Variants in PLG observed in about 807,000 individuals in gnomAD.
PLG encodes the protein plasminogen, also known as plasmin.
In PLG, 41 loss-of-function variants were observed where a neutral mutation model predicts 104.4. The ratio of observed to expected loss-of-function variants is 0.39; its 90% CI spans 0.31 to 0.51. PLG has a LOEUF of 0.51. PLG is among the 20% of genes least tolerant of loss of function. The probability of loss-of-function intolerance (pLI) is 0.76; values close to 1 mark genes in which losing one functional copy is unlikely to be tolerated. For missense variants in PLG, 891 were observed against 1,003.6 expected (o/e 0.89, Z 1.52); for synonymous variants, 337 against 357.1 (o/e 0.94, Z 0.63).
At position 160,752,530 on chromosome 6, in the gene PLG, G is replaced by A. The variant is rs1778420331; in HGVS notation, c.2271+270G>A. Among the ~76,000 whole-genome samples the A allele has an allele frequency of 6.6e-6, 1 of 152,128 alleles. No homozygotes were observed. The highest frequency in any genetic ancestry group is 1.5e-5 in the Non-Finnish European group (1 of 68,034). Reference sequence around the variant, plus strand: ...ACTCACCCTCCTGGGGTGTGCTGGTGGCCAGGGACTAAAGTGGTGACTTTT... The same window carrying A: ...ACTCACCCTCCTGGGGTGTGCTGGTAGCCAGGGACTAAAGTGGTGACTTTT... On this transcript the variant is annotated intron_variant, in intron 18 of 18. Transcript: ENST00000308192. The surrounding 1 kb of genome is among the most constrained non-coding windows in gnomAD (Gnocchi z 4.7).
rs1188620849 is a variant in PLG, at chr6:160,736,757, AG to A, written c.1682-129del. The A allele has an allele frequency of 8.4e-6, 10 of 1,186,162 alleles. No individual in the cohort carries two copies. The African/African-American group carries it at 1.5e-4, about 18-fold the overall frequency. 73.5% of individuals were successfully genotyped at this position (1,186,162 alleles called of 1,614,324 possible). The stretch of plus-strand genomic sequence containing the variant: ...TGAAACTTAGAGAAAATGTTCCAAA[AG>A]ATGATGATTTTACTATTTAGTTCGG... On this transcript the variant is annotated intron_variant, in intron 13 of 18. Coordinates refer to ENST00000308192, the MANE Select transcript of PLG (RefSeq NM_000301.5). The surrounding 1 kb of genome is among the most constrained non-coding windows in gnomAD (Gnocchi z 5.2).
In PLG at chr6:160,733,525, A is replaced by AAATAAT. The variant is rs951501150; in HGVS notation, c.1588-456_1588-451dup. Among the ~76,000 whole-genome samples the AAATAAT allele has an allele frequency of 5.0e-5, 7 of 139,138 alleles. No homozygotes were observed. In the South Asian group the frequency reaches 1.5e-3, roughly 30 times the overall value. The allele number at this position is 139,138 out of a possible 152,430, so 91.3% of individuals were successfully genotyped here. Reference sequence around the variant, plus strand: ...GAGCATTCAAAAAATAACTTTGCCAAAATAATAATAATAATAATAGAAAGG... The same window carrying AAATAAT: ...GAGCATTCAAAAAATAACTTTGCCAAAATAATAATAATAATAATAATAATAGAAAGG... On this transcript the variant is annotated intron_variant, in intron 12 of 18. Coordinates refer to ENST00000308192, the MANE Select transcript of PLG (RefSeq NM_000301.5).
intron 17 of PLG, among the ~76,000 whole-genome samples, chr6:160,747,444 G>A (rs1778295358): frequency 6.6e-6 from 1 of 152,122 alleles, no homozygotes; most frequent in Non-Finnish European, 1.5e-5. Flanking sequence ...GTGCTAGGAG[G>A]GCATTAGGAG....
chr6:160,707,643 A>G, intron 2 of PLG, 57 bp from the exon 3 acceptor site: 1 of 1,475,856 alleles, frequency 6.8e-7, no homozygotes, highest in East Asian at 2.3e-5. Context: ...ATTAATAAAC[A>G]TTTGTTTTCT....
intron 3 of PLG, 153 bp downstream of exon 3, chr6:160,707,959 A>C: frequency 1.4e-6 from 1 of 695,372 alleles, no homozygotes; most frequent in Admixed American, 2.3e-5. Context: ...TTTGATTACT[A>C]ACTAACCATG....
rs531292467 is a variant in PLG at position 160,738,324 on chromosome 6, A to G, written c.1803-214A>G. On this transcript the variant is annotated intron_variant, in intron 14 of 18. Coordinates refer to ENST00000308192, the MANE Select transcript of PLG (RefSeq NM_000301.5). This position sits in a 1 kb window ranked among gnomAD's most constrained non-coding sequence, Gnocchi z 6.8. ...GGCCATGCCTGTGCCTCCCCCAAGC[A>G]TCGGAAAAATTGGCATAGATGGGCC... The G allele has an allele frequency of 1.2e-4, 66 of 569,798 alleles. No homozygotes were observed. The highest frequency in any genetic ancestry group is 9.5e-4 in the African/African-American group (51 of 53,830). The allele number at this position is 569,798 out of a possible 1,614,324, so 35.3% of individuals were successfully genotyped here. A position where few individuals can be genotyped will look rare whatever the true frequency, so the allele number is the denominator to read the frequency against.
rs914322143 is a variant in PLG at position 160,737,784 on chromosome 6, T to G, written c.1803-754T>G. On this transcript the variant is annotated intron_variant, in intron 14 of 18. Coordinates refer to ENST00000308192, the MANE Select transcript of PLG (RefSeq NM_000301.5). The surrounding 1 kb of genome is among the most constrained non-coding windows in gnomAD (Gnocchi z 4.7). ...ATGCCATCGACAAACCTGATCGCAT[T>G]GCATTTCACTCTGCTGTTGAGTCGA... 2.6e-5 allele frequency among the ~76,000 whole-genome samples: 4 copies of G among 152,214 alleles called. No homozygotes were observed. The highest frequency in any genetic ancestry group is 2.6e-4 in the Admixed American group (4 of 15,290).
chr6:160,702,611 G>C (rs1353861667), intron 1 of PLG, among the ~76,000 whole-genome samples: 2 of 152,146 alleles, frequency 1.3e-5, no homozygotes, highest in Non-Finnish European at 2.9e-5. Context: ...CCACATAATG[G>C]CCAGTCTAAT....
rs1777996429 is a variant in PLG at position 160,731,333 on chromosome 6, C to CAAGTGTTTTTAGAGGGTCTGCCA, written c.1438+102_1438+124dup. The CAAGTGTTTTTAGAGGGTCTGCCA allele has an allele frequency of 4.5e-6, 5 of 1,099,914 alleles. No homozygotes were observed. The highest frequency in any genetic ancestry group is 6.9e-6 in the Non-Finnish European group (5 of 726,560). 68.1% of individuals were successfully genotyped at this position (1,099,914 alleles called of 1,614,324 possible). On this transcript the variant is annotated intron_variant, in intron 11 of 18. Transcript: ENST00000308192. The surrounding 1 kb of genome is among the most constrained non-coding windows in gnomAD (Gnocchi z 5.1). The stretch of plus-strand genomic sequence containing the variant: ...AAACCTTCCATGCTACACGAGAAAT[C>CAAGTGTTTTTAGAGGGTCTGCCA]AAGTGTTTTTAGAGGGTCTGCCATG...
At position 160,711,187 on chromosome 6, in the gene PLG, C is replaced by T. The variant is rs199833895; in HGVS notation, c.403C>T (p.Pro135Ser). Reference protein sequence around the residue: ...QKWSSTSPHRPRFSPATHPSE... With the variant: ...QKWSSTSPHRSRFSPATHPSE... ...ATGGAGTTCCACTTCTCCCCACAGA[C>T]CTAGGTAAGACATTCCCTTTCATCT... The change falls in exon 4 of 19, where the codon CCT (proline) becomes TCT (serine). Residue 135 changes from proline (P) to serine (S), a missense_variant. Physicochemically the swap from Pro to Ser is moderately conservative, Grantham distance 74. Coordinates refer to ENST00000308192, the MANE Select transcript of PLG (RefSeq NM_000301.5). The T allele has an allele frequency of 1.5e-5, 25 of 1,613,220 alleles. No individual in the cohort carries two copies. In the African/African-American group the frequency reaches 1.7e-4, roughly 11 times the overall value.
Position 160,739,177 on chromosome 6 carries a change from CGA to C in PLG, c.1988_1989del (p.Arg663GlnfsTer16), listed in dbSNP as rs1434519614. The C allele has an allele frequency of 6.2e-7, 1 of 1,614,006 alleles. No individual in the cohort carries two copies. Among genetic ancestry groups the C allele is most frequent in the Non-Finnish European group, 8.5e-7 (1 of 1,180,028 alleles). ...EVSRLFLEPT[R>X]KDIALLKLSS... is the part of the protein sequence containing the mutation. ...GTCTAGGCTGTTCTTGGAGCCCACA[CGA>C]AAAGATATTGCCTTGCTAAAGCTAA... is the stretch of plus-strand genomic sequence containing the variant. On this transcript the variant is annotated frameshift_variant, in exon 16 of 19. Transcript: ENST00000308192. LOFTEE classifies it high-confidence loss of function. This position sits in a 1 kb window ranked among gnomAD's most constrained non-coding sequence, Gnocchi z 4.4.
At chr6:160,733,454 G>C (rs1218108358) in intron 12 of PLG, among the ~76,000 whole-genome samples, 1 of 152,046 alleles carries the variant, frequency 6.6e-6, no homozygotes, top group African/African-American at 2.4e-5. Context: ...CCAGGGGTGT[G>C]GCCTCATAGC....
chr6:160,745,013 A>G (rs897035508), intron 17 of PLG, among the ~76,000 whole-genome samples: 1 of 152,108 alleles, frequency 6.6e-6, no homozygotes, highest in Non-Finnish European at 1.5e-5. Flanking sequence ...CTGTGGTCTG[A>G]GAGTGTGTTT....
rs149145958 is a variant in PLG at position 160,714,844 on chromosome 6, A to G, written c.598A>G (p.Thr200Ala). Residue 200 changes from threonine to alanine, a missense_variant, in exon 6 of 19, where the codon ACC becomes GCC. By Grantham distance (58) the Thr-to-Ala change is moderately conservative. This residue lies in a region of PLG where 854 missense variants were observed against 932.1 expected (regional missense o/e 0.92). Transcript: ENST00000308192. Reference protein sequence around the residue: ...GENYDGKISKTMSGLECQAWD... With the variant: ...GENYDGKISKAMSGLECQAWD... ...AAACTATGACGGCAAAATTTCCAAG[A>G]CCATGTCTGGACTGGAATGCCAGGC... 1.1e-3 allele frequency: 1,788 copies of G among 1,612,758 alleles called. 1 individual carries two copies. Among genetic ancestry groups the G allele is most frequent in the Non-Finnish European group, 1.4e-3 (1,678 of 1,178,820 alleles).
Position 160,739,791 on chromosome 6 carries a change from AAAC to A in PLG, c.2018+586_2018+588del, listed in dbSNP as rs1251646800. Among the ~76,000 whole-genome samples the A allele has an allele frequency of 6.9e-6, 1 of 145,086 alleles. No homozygotes were observed. Among genetic ancestry groups the A allele is most frequent in the African/African-American group, 2.8e-5 (1 of 35,214 alleles). ...AAAAAACACCAAAAAAACAAAAAAC[AAAC>A]AAAAAAAAAACAACTTCACAATGTC... On this transcript the variant is annotated intron_variant, in intron 16 of 18. Transcript: ENST00000308192. This position sits in a 1 kb window ranked among gnomAD's most constrained non-coding sequence, Gnocchi z 4.4.
intron 12 of PLG, among the ~76,000 whole-genome samples, chr6:160,733,663 A>C (rs977209962): frequency 6.6e-6 from 1 of 151,928 alleles, no homozygotes; most frequent in African/African-American, 2.4e-5. Context: ...AAAATGGTGA[A>C]ACCTCATCTC....
At chr6:160,745,925 G>T (rs999909554) in intron 17 of PLG, among the ~76,000 whole-genome samples, 1 of 152,042 alleles carries the variant, frequency 6.6e-6, no homozygotes, top group Non-Finnish European at 1.5e-5. Context: ...TTCTTGGGTG[G>T]ATATTTTTTA....
intron 2 of PLG, among the ~76,000 whole-genome samples, chr6:160,706,951 T>TAAAA (rs370504830): frequency 1.8e-4 from 26 of 142,392 alleles, no homozygotes; most frequent in African/African-American, 2.8e-4. Flanking sequence ...GATATAATGT[T>TAAAA]AAAAAAAAAA....
At chr6:160,751,762 AAAG>A (rs1199728167) in intron 17 of PLG, among the ~76,000 whole-genome samples, 3 of 152,260 alleles carry the variant, frequency 2.0e-5, no homozygotes, top group Admixed American at 6.5e-5. Flanking sequence ...GTAATTAGTA[AAAG>A]AAGCATATTA....
Sources: allele counts gnomAD v4.1 joint callset (sites outside exome capture counted in the v4.1 genomes callset), GRCh38; gene constraint gnomAD v4.1.1; regional missense constraint gnomAD v4.1.1; non-coding constraint Gnocchi (gnomAD v3.1); transcripts MANE v1.5; gene names NCBI Gene and HGNC (gene_info 2026-07-23, HGNC 2026-07-21).